Variants in PCDH11X observed in about 807,000 individuals in gnomAD.
The protein encoded by PCDH11X is protocadherin 11 X-linked, also known as protocadherin-11 X-linked.
Under a neutral mutation model 53.3 loss-of-function variants are expected in PCDH11X, and 18 were observed. That is an observed-to-expected ratio of 0.34 (90% CI 0.23 to 0.50). PCDH11X has a LOEUF of 0.50. Ranked by LOEUF, PCDH11X falls within the 20% of genes least tolerant of loss-of-function variation. PCDH11X has a pLI of 0.98. For synonymous variants in PCDH11X, 279 were observed against 393.3 expected, an observed-to-expected ratio of 0.71 and a Z score of 3.44; for missense variants, 570 against 1,032.4, an observed-to-expected ratio of 0.55 and a Z score of 6.14.
At chrX:91,993,224 G>A (rs1188256698) in intron 6 of PCDH11X, among the ~76,000 whole-genome samples, 1 of 112,834 alleles carries the variant, frequency 8.9e-6, no homozygotes, top group Non-Finnish European at 1.9e-5. Flanking sequence ...ACACCAAGGT[G>A]AAATTTGTTA....
chrX:92,001,192 A>G (rs930179322), intron 6 of PCDH11X, among the ~76,000 whole-genome samples: 2 of 111,668 alleles, frequency 1.8e-5, no homozygotes, highest in Admixed American at 1.9e-4. Context: ...TCCAATCCCA[A>G]CAACTGTATA....
chrX:91,952,051 A>G (rs766674234), intron 6 of PCDH11X, among the ~76,000 whole-genome samples: 2 of 110,231 alleles, frequency 1.8e-5, no homozygotes, highest in Admixed American at 9.7e-5. Flanking sequence ...AAACTCCCCT[A>G]AGTATCCCGA....
In PCDH11X at chrX:92,410,692, A is replaced by G. The variant is rs1226301831; in HGVS notation, c.3343+22759A>G. ...CTGTAAATCCAGAAACTCAAGCATA[A>G]TATTTATTATTATAAAATATAGCAG... On this transcript the variant is annotated intron_variant, in intron 9 of 10. Transcript: ENST00000682573. 4.2e-4 allele frequency among the ~76,000 whole-genome samples: 44 copies of G among 104,124 alleles called. 2 individuals carry two copies. Among genetic ancestry groups the G allele is most frequent in the Admixed American group, 4.2e-3 (41 of 9,858 alleles). The allele number at this position is 104,124 out of a possible 115,157, so 90.4% of individuals were successfully genotyped here.
At chrX:92,474,655 C>G (rs1181968141) in intron 10 of PCDH11X, among the ~76,000 whole-genome samples, 2 of 91,320 alleles carry the variant, frequency 2.2e-5, no homozygotes, top group Admixed American at 2.6e-4. Flanking sequence ...CTTGCAAATA[C>G]TATCTTATAA....
chrX:92,363,132 G>A (rs1393590768), intron 8 of PCDH11X, among the ~76,000 whole-genome samples: 1 of 110,902 alleles, frequency 9.0e-6, no homozygotes, highest in Non-Finnish European at 1.9e-5. Flanking sequence ...TTTCACTATT[G>A]CAGGTCTCTT....
At chrX:92,482,811 CT>C (rs2073538320) in intron 10 of PCDH11X, among the ~76,000 whole-genome samples, 1 of 109,559 alleles carries the variant, frequency 9.1e-6, no homozygotes, top group Admixed American at 9.8e-5. Context: ...TTGTTTTTCT[CT>C]TAGTCTTCAA....
Position 92,364,782 on chromosome X carries a change from A to G in PCDH11X, c.3145-22953A>G, listed in dbSNP as rs540259666. Among the ~76,000 whole-genome samples the G allele has an allele frequency of 7.8e-5, 8 of 102,183 alleles. No individual in the cohort carries two copies. In the South Asian group the frequency reaches 2.7e-3, roughly 35 times the overall value. The allele number at this position is 102,183 out of a possible 115,157, so 88.7% of individuals were successfully genotyped here. A position where few individuals can be genotyped will look rare whatever the true frequency, so the allele number is the denominator to read the frequency against. ...GCTGGGCACAGTGGTGGGCACCTGT[A>G]ATTCCAGCTACTTGAGAGGCTGAGA... On this transcript the variant is annotated intron_variant, in intron 8 of 10. Coordinates refer to ENST00000682573, the MANE Select transcript of PCDH11X (RefSeq NM_032968.5).
chrX:92,173,663 CAA>C (rs1040843532), intron 6 of PCDH11X, among the ~76,000 whole-genome samples: 3 of 110,303 alleles, frequency 2.7e-5, no homozygotes, highest in African/African-American at 9.9e-5. Flanking sequence ...GCTGTGACCT[CAA>C]AATGTATTTT....
chrX:92,360,290 T>A (rs2148538653), intron 8 of PCDH11X, among the ~76,000 whole-genome samples: 1 of 111,379 alleles, frequency 9.0e-6, no homozygotes, highest in East Asian at 2.8e-4. Flanking sequence ...CTTTATTTCT[T>A]GCTTTTCTGA....
At chrX:91,933,507 C>T (rs2061411645) in intron 6 of PCDH11X, among the ~76,000 whole-genome samples, 1 of 111,390 alleles carries the variant, frequency 9.0e-6, no homozygotes, top group African/African-American at 3.3e-5. Flanking sequence ...GCACAGTTCT[C>T]TATGCAAATA....
Position 91,904,879 on chromosome X carries a change from C to T in PCDH11X, c.3033+25606C>T, listed in dbSNP as rs775315165. 6.4e-5 allele frequency among the ~76,000 whole-genome samples: 7 copies of T among 110,158 alleles called. 1 individual carries two copies. In the South Asian group the frequency reaches 2.7e-3, roughly 43 times the overall value. Reference sequence around the variant, plus strand: ...GCCAACAGCGTAATTCACAAAGAAACACTGGAGGCAATTCCATTAAAATCT... The same window carrying T: ...GCCAACAGCGTAATTCACAAAGAAATACTGGAGGCAATTCCATTAAAATCT... On this transcript the variant is annotated intron_variant, in intron 6 of 10. Transcript: ENST00000682573.
intron 8 of PCDH11X, among the ~76,000 whole-genome samples, chrX:92,281,824 T>C (rs914418105): frequency 2.7e-5 from 3 of 111,866 alleles, no homozygotes. Flanking sequence ...CTCTGCTGTC[T>C]CTAAAACACG....
intron 10 of PCDH11X, among the ~76,000 whole-genome samples, chrX:92,507,886 C>G (rs1449974573): frequency 9.0e-6 from 1 of 110,810 alleles, no homozygotes; most frequent in Non-Finnish European, 1.9e-5. Context: ...AGTCTTGGCT[C>G]ACTGCAACCT....
intron 1 of PCDH11X, among the ~76,000 whole-genome samples, chrX:91,798,462 G>A (rs1199988129): frequency 1.1e-4 from 12 of 109,923 alleles, no homozygotes; most frequent in African/African-American, 1.3e-4. Flanking sequence ...GATGGCGGGC[G>A]CCTGTAATCC....
chrX:92,316,923 C>A (rs1432965207), intron 8 of PCDH11X, among the ~76,000 whole-genome samples: 1 of 110,254 alleles, frequency 9.1e-6, no homozygotes, highest in Non-Finnish European at 1.9e-5. Flanking sequence ...ATTCACTGTG[C>A]CTTTCTACAT....
At chrX:92,240,155 C>G (rs1331523941) in intron 7 of PCDH11X, among the ~76,000 whole-genome samples, 3 of 111,413 alleles carry the variant, frequency 2.7e-5, no homozygotes, top group Non-Finnish European at 5.6e-5. Context: ...GACTGTGGTC[C>G]TCTGGGATCA....
At position 92,618,709 on chromosome X, in the gene PCDH11X, G is replaced by A. The variant is rs763909277; in HGVS notation, c.3813G>A (p.Gln1271=). The A allele has an allele frequency of 1.7e-5, 20 of 1,210,513 alleles. No homozygotes were observed. The highest frequency in any genetic ancestry group is 2.2e-5 in the Admixed American group (1 of 45,845). ...LPQVIALHRS[Q]AQSSVSLQQG... is the part of the protein sequence containing the mutation. ...AGGTTATTGCCCTCCATCGTAGTCAGGCCCAATCATCAGTCAGTTTGCAGC... is the reference window on the plus strand; with the variant it reads ...AGGTTATTGCCCTCCATCGTAGTCAAGCCCAATCATCAGTCAGTTTGCAGC... The change falls in exon 11 of 11, where the codon CAG becomes CAA. Residue 1271 remains glutamine, a synonymous_variant. Transcript: ENST00000682573.
chrX:92,446,630 G>A (rs1247355362), intron 9 of PCDH11X, among the ~76,000 whole-genome samples: 3 of 111,733 alleles, frequency 2.7e-5, no homozygotes, highest in Non-Finnish European at 3.8e-5. Context: ...GGAACTGTAA[G>A]TCCATTAAAT....
chrX:91,915,540 T>C (rs1295298225), intron 6 of PCDH11X, among the ~76,000 whole-genome samples: 2 of 110,824 alleles, frequency 1.8e-5, no homozygotes, highest in Non-Finnish European at 3.8e-5. Context: ...GGAGTAGCTA[T>C]TCCTATATCA....
Sources: gnomAD v4.1 joint callset for allele counts (sites outside exome capture counted in the v4.1 genomes callset) on GRCh38, gnomAD v4.1.1 for gene constraint, MANE v1.5 for transcripts, NCBI Gene and HGNC (gene_info 2026-07-23, HGNC 2026-07-21) for gene names.